Variants in MGMT observed in about 807,000 individuals in gnomAD.
MGMT encodes the protein methylated-DNA--protein-cysteine methyltransferase.
MGMT carries 14 observed loss-of-function variants against 15.9 expected under a neutral mutation model. The observed-to-expected ratio is 0.88, with a 90% CI of 0.58 to 1.37. MGMT has a LOEUF of 1.37. MGMT is among the 40% of genes most tolerant of loss of function. MGMT has a pLI of 0.00. For synonymous variants in MGMT, 130 were observed against 118.2 expected (o/e 1.10, Z -0.65); for missense variants, 282 against 268.1 (o/e 1.05, Z -0.36).
At chr10:129,704,755 C>T (rs537084899) in intron 2 of MGMT, among the ~76,000 whole-genome samples, 1 of 152,104 alleles carries the variant, frequency 6.6e-6, no homozygotes, top group African/African-American at 2.4e-5. Context: ...ATGGGGGCCC[C>T]TATGTGCATC....
At chr10:129,702,526 G>A (rs1280252070) in intron 2 of MGMT, among the ~76,000 whole-genome samples, 1 of 152,194 alleles carries the variant, frequency 6.6e-6, no homozygotes, top group Non-Finnish European at 1.5e-5. Flanking sequence ...AGAGGGTCTT[G>A]TCTCCTGCTG....
At chr10:129,669,667 A>G (rs894796927) in intron 2 of MGMT, among the ~76,000 whole-genome samples, 3 of 152,140 alleles carry the variant, frequency 2.0e-5, no homozygotes, top group African/African-American at 7.2e-5. Context: ...TTCTTTTTGT[A>G]CTTGCCTTGG....
chr10:129,539,141 C>T (rs2119765223), intron 2 of MGMT, among the ~76,000 whole-genome samples: 1 of 151,876 alleles, frequency 6.6e-6, no homozygotes, highest in Non-Finnish European at 1.5e-5. Context: ...TCTTTTTTTC[C>T]CTTTATGTTT....
At chr10:129,703,691 T>G (rs1396194008) in intron 2 of MGMT, among the ~76,000 whole-genome samples, 1 of 152,038 alleles carries the variant, frequency 6.6e-6, no homozygotes, top group Admixed American at 6.5e-5. Context: ...GCACCTTTGC[T>G]TCGGAGCCCA....
chr10:129,714,256 C>T (rs1848267837), intron 3 of MGMT, among the ~76,000 whole-genome samples: 1 of 152,254 alleles, frequency 6.6e-6, no homozygotes, highest in South Asian at 2.1e-4. Context: ...CAGCTATACT[C>T]TGGCATATTG....
Position 129,739,780 on chromosome 10 carries a change from A to AT in MGMT, c.275-19414dup, listed in dbSNP as rs528373544. Among the ~76,000 whole-genome samples the AT allele has an allele frequency of 4.1e-3, 618 of 152,128 alleles. 6 individuals are homozygous for AT. Among genetic ancestry groups the AT allele is most frequent in the East Asian group, 0.011 (57 of 5,172 alleles). Reference sequence around the variant, plus strand: ...TTAACACATTATGAGTTTTTTTATGATTTTTTTTAACTCCTCAGCTATCAT... The same window carrying AT: ...TTAACACATTATGAGTTTTTTTATGATTTTTTTTTAACTCCTCAGCTATCAT... On this transcript the variant is annotated intron_variant, in intron 3 of 4. Transcript: ENST00000651593.
chr10:129,520,952 C>G (rs113761286), intron 1 of MGMT, among the ~76,000 whole-genome samples: 3 of 138,118 alleles, frequency 2.2e-5, no homozygotes, highest in African/African-American at 8.3e-5. Flanking sequence ...CTAAGGTGTG[C>G]CTACAGAGCC....
chr10:129,551,626 A>C lies in MGMT; in HGVS notation c.125+15249A>C, dbSNP rs117633749. Among the ~76,000 whole-genome samples, 26 of 152,266 alleles carry C rather than the reference A, an allele frequency of 1.7e-4. No homozygotes were observed. In the East Asian group the frequency reaches 3.9e-3, roughly 23 times the overall value. Reference sequence around the variant, plus strand: ...AAGGATCAGTGTCTTCTACACTGATATTCTATCTCTGTAAGTTTCTCCGAG... The same window carrying C: ...AAGGATCAGTGTCTTCTACACTGATCTTCTATCTCTGTAAGTTTCTCCGAG... On this transcript the variant is annotated intron_variant, in intron 2 of 4. Transcript: ENST00000651593.
At chr10:129,565,778 G>C (rs1024720334) in intron 2 of MGMT, among the ~76,000 whole-genome samples, 1 of 152,178 alleles carries the variant, frequency 6.6e-6, no homozygotes, top group African/African-American at 2.4e-5. Context: ...CCTACTGTGA[G>C]ATCCTGGTGA....
At chr10:129,613,962 A>G (rs1053369271) in intron 2 of MGMT, among the ~76,000 whole-genome samples, 5 of 152,126 alleles carry the variant, frequency 3.3e-5, no homozygotes, top group Admixed American at 3.3e-4. Flanking sequence ...TATACATAAA[A>G]TTTCCCACCT....
At position 129,495,106 on chromosome 10, in the gene MGMT, C is replaced by T. The variant is rs370181681; in HGVS notation, c.-13+27810C>T. 3.3e-5 allele frequency among the ~76,000 whole-genome samples: 5 copies of T among 152,302 alleles called. No homozygotes were observed. In the East Asian group the frequency reaches 5.8e-4, roughly 18 times the overall value. On this transcript the variant is annotated intron_variant, in intron 1 of 4. Coordinates refer to ENST00000651593, the MANE Select transcript of MGMT (RefSeq NM_002412.5). The stretch of plus-strand genomic sequence containing the variant: ...TTCTTTCCTTGACTCTGCAATGTTC[C>T]GTTAAACCAGATTGTGAATTTTTTT...
At chr10:129,737,663 T>G (rs1047710588) in intron 3 of MGMT, among the ~76,000 whole-genome samples, 1 of 152,204 alleles carries the variant, frequency 6.6e-6, no homozygotes, top group Non-Finnish European at 1.5e-5. Context: ...TTCTGCTCTG[T>G]TTTTTCCCCA....
intron 2 of MGMT, among the ~76,000 whole-genome samples, chr10:129,572,554 A>AT (rs1343827512): frequency 6.6e-6 from 1 of 152,178 alleles, no homozygotes; most frequent in Non-Finnish European, 1.5e-5. Context: ...ATCTTTCCAG[A>AT]TTTTCAGAAT....
At chr10:129,562,599 A>G (rs757250177) in intron 2 of MGMT, among the ~76,000 whole-genome samples, 10 of 152,112 alleles carry the variant, frequency 6.6e-5, no homozygotes, top group Non-Finnish European at 1.3e-4. Flanking sequence ...TTTTTTCCCC[A>G]TTACAGATGG....
chr10:129,486,404 T>A (rs921000372), intron 1 of MGMT, among the ~76,000 whole-genome samples: 23 of 152,016 alleles, frequency 1.5e-4, no homozygotes, highest in African/African-American at 4.8e-4. Flanking sequence ...GGCCAGGCTA[T>A]TCTCGAACTC....
chr10:129,704,200 A>T (rs1848132188), intron 2 of MGMT, among the ~76,000 whole-genome samples: 2 of 152,238 alleles, frequency 1.3e-5, no homozygotes, highest in South Asian at 4.1e-4. Flanking sequence ...GCCAAGCAGA[A>T]GTTCTCCTTT....
chr10:129,608,843 C>T (rs1169700110), intron 2 of MGMT, among the ~76,000 whole-genome samples: 1 of 152,228 alleles, frequency 6.6e-6, no homozygotes, highest in African/African-American at 2.4e-5. Flanking sequence ...TCCGCCTTGG[C>T]CACTCCCTTT....
At chr10:129,469,705 ATATTATTT>A (rs1180756131) in intron 1 of MGMT, among the ~76,000 whole-genome samples, 2 of 152,106 alleles carry the variant, frequency 1.3e-5, no homozygotes, top group Non-Finnish European at 2.9e-5. Flanking sequence ...TTACCGCAGA[ATATTATTT>A]TATTATTTTT....
At chr10:129,745,283 T>C (rs1013407661) in intron 3 of MGMT, among the ~76,000 whole-genome samples, 1 of 152,122 alleles carries the variant, frequency 6.6e-6, no homozygotes, top group African/African-American at 2.4e-5. Flanking sequence ...TTTTGTGGGG[T>C]ATACAGTCCC....
Sources: gnomAD v4.1 joint callset for allele counts (sites outside exome capture counted in the v4.1 genomes callset) on GRCh38, gnomAD v4.1.1 for gene constraint, MANE v1.5 for transcripts, NCBI Gene and HGNC (gene_info 2026-07-23, HGNC 2026-07-21) for gene names.